Variants in C1orf185 observed in about 807,000 individuals in gnomAD.
C1orf185 encodes uncharacterized protein C1orf185.
In C1orf185, 13 loss-of-function variants were observed where a neutral mutation model predicts 16.1. That is an observed-to-expected ratio of 0.81 (90% CI 0.53 to 1.28). C1orf185 has a LOEUF of 1.28. Ranked by LOEUF, C1orf185 falls within the 50% of genes most tolerant of loss-of-function variation. The probability of loss-of-function intolerance (pLI) is 0.00; values close to 1 mark genes in which losing one functional copy is unlikely to be tolerated. For missense variants in C1orf185, 220 were observed against 225.2 expected (o/e 0.98, Z 0.15); for synonymous variants, 80 against 76.9 (o/e 1.04, Z -0.21).
intron 3 of C1orf185, among the ~76,000 whole-genome samples, chr1:51,124,618 A>C (rs562298847): frequency 1.1e-3 from 166 of 152,322 alleles, no homozygotes; most frequent in African/African-American, 3.8e-3. Flanking sequence ...CCCACATTCA[A>C]TTACATGCAA....
chr1:51,140,371 G>C (rs1431317026), intron 3 of C1orf185, among the ~76,000 whole-genome samples: 1 of 152,110 alleles, frequency 6.6e-6, no homozygotes, highest in African/African-American at 2.4e-5. Flanking sequence ...TCTTTTAGTA[G>C]AGGGAAAATA....
intron 3 of C1orf185, among the ~76,000 whole-genome samples, chr1:51,143,104 G>A (rs916353744): frequency 2.6e-5 from 4 of 151,950 alleles, no homozygotes; most frequent in East Asian, 1.9e-4. Flanking sequence ...TAGATTGATC[G>A]CACAATCAAG....
Position 51,147,504 on chromosome 1 carries a change from A to C in C1orf185, c.333A>C (p.Ala111=). 12 of 1,543,980 alleles carry C rather than the reference A, an allele frequency of 7.8e-6. No individual in the cohort carries two copies. Among genetic ancestry groups the C allele is most frequent in the Non-Finnish European group, 1.0e-5 (12 of 1,144,450 alleles). Residue 111 remains alanine (A), a synonymous_variant, in exon 5 of 5, where the codon GCA becomes GCC. Coordinates refer to ENST00000371759, the MANE Select transcript of C1orf185 (RefSeq NM_001136508.2). The part of the protein sequence containing the change: ...KDHSKDEPQL[A]TKNIICDPSE... Reference sequence around the variant, plus strand: ...ATTCTAAAGATGAACCCCAACTTGCAACAAAAAATATCATTTGTGATCCCT... The same window carrying C: ...ATTCTAAAGATGAACCCCAACTTGCCACAAAAAATATCATTTGTGATCCCT...
At chr1:51,107,029 T>C (rs1042787374) in intron 1 of C1orf185, among the ~76,000 whole-genome samples, 5 of 152,166 alleles carry the variant, frequency 3.3e-5, no homozygotes, top group African/African-American at 1.2e-4. Context: ...AATGCTGGGA[T>C]TACAGGCGTG....
intron 4 of C1orf185, among the ~76,000 whole-genome samples, chr1:51,146,456 CAA>C (rs966563093): frequency 2.3e-4 from 15 of 64,612 alleles, no homozygotes; most frequent in East Asian, 4.3e-4. Flanking sequence ...AAGACTGTCT[CAA>C]AAAAAAAAAA....
At chr1:51,128,127 G>C (rs933739386) in intron 3 of C1orf185, among the ~76,000 whole-genome samples, 1 of 151,816 alleles carries the variant, frequency 6.6e-6, no homozygotes, top group African/African-American at 2.4e-5. Context: ...GACCTCCAGT[G>C]ATCTACCCAC....
chr1:51,118,769 C>G lies in C1orf185; in HGVS notation c.226C>G (p.Arg76Gly). Reference sequence around the variant, plus strand: ...TCATTCTCAGTGTGTTTTTATTTCTCGAAATTTTCATACTGGGAGATTCCA... The same window carrying G: ...TCATTCTCAGTGTGTTTTTATTTCTGGAAATTTTCATACTGGGAGATTCCA... ...KSHSQCVFIS[R>G]NFHTGRFQLQ... The change falls in exon 3 of 5, where the codon CGA becomes GGA. Residue 76 changes from arginine to glycine, a missense_variant. Physicochemically the swap from Arg to Gly is moderately radical, Grantham distance 125. Coordinates refer to ENST00000371759, the MANE Select transcript of C1orf185 (RefSeq NM_001136508.2). 1.4e-6 allele frequency: 2 copies of G among 1,477,170 alleles called. No individual in the cohort carries two copies. The highest frequency in any genetic ancestry group is 2.6e-5 in the East Asian group (1 of 38,704). 91.5% of individuals were successfully genotyped at this position (1,477,170 alleles called of 1,614,324 possible).
intron 3 of C1orf185, among the ~76,000 whole-genome samples, chr1:51,140,837 T>C (rs1570320264): frequency 1.3e-5 from 2 of 152,234 alleles, no homozygotes; most frequent in East Asian, 3.8e-4. Context: ...TGCTCACTTC[T>C]GATATTTATT....
At chr1:51,106,482 T>A (rs900460142) in intron 1 of C1orf185, among the ~76,000 whole-genome samples, 1 of 151,904 alleles carries the variant, frequency 6.6e-6, no homozygotes, top group South Asian at 2.1e-4. Context: ...TCTAAAAAAA[T>A]TAAAAAGATT....
rs1646175234 is a variant in C1orf185 at position 51,118,706 on chromosome 1, A to G, written c.163A>G (p.Arg55Gly). 1.4e-6 allele frequency: 2 copies of G among 1,459,142 alleles called. No individual in the cohort carries two copies. The highest frequency in any genetic ancestry group is 1.5e-5 in the South Asian group (1 of 67,002). The allele number at this position is 1,459,142 out of a possible 1,614,324, so 90.4% of individuals were successfully genotyped here. The change falls in exon 3 of 5, where the codon AGA (arginine) becomes GGA (glycine). Residue 55 changes from arginine (R) to glycine (G), a missense_variant. Physicochemically the swap from Arg to Gly is moderately radical, Grantham distance 125. Transcript: ENST00000371759. ...TTCCAAATTTAAAGCAATTGATGAG[A>G]GATGCAGGCAAAGACCATCAATGGC... ...QNSKFKAIDE[R>G]CRQRPSMAKI...
chr1:51,150,253 G>T (rs1010522327), downstream of C1orf185, among the ~76,000 whole-genome samples: 1 of 150,308 alleles, frequency 6.7e-6, no homozygotes, highest in African/African-American at 2.5e-5. Flanking sequence ...GTGCAATGGT[G>T]TGATCTCAGC....
At chr1:51,143,895 G>T (rs142071160) in intron 3 of C1orf185, among the ~76,000 whole-genome samples, 6 of 152,092 alleles carry the variant, frequency 3.9e-5, no homozygotes, top group Non-Finnish European at 7.4e-5. Flanking sequence ...ACTCCTGGGC[G>T]TGAGCCACTG....
chr1:51,136,544 A>G (rs987759948), intron 3 of C1orf185, among the ~76,000 whole-genome samples: 3 of 152,170 alleles, frequency 2.0e-5, no homozygotes, highest in African/African-American at 7.2e-5. Context: ...TTGTACTGGT[A>G]CAAAAACAGA....
intron 3 of C1orf185, among the ~76,000 whole-genome samples, chr1:51,143,019 C>T (rs987970835): frequency 3.7e-4 from 57 of 152,186 alleles, no homozygotes; most frequent in Non-Finnish European, 2.9e-5. Flanking sequence ...CTGCCTCAGC[C>T]TCCCAAAGTA....
downstream of C1orf185, among the ~76,000 whole-genome samples, chr1:51,150,382 G>A (rs577688952): frequency 7.2e-5 from 11 of 151,994 alleles, no homozygotes; most frequent in African/African-American, 2.2e-4. Context: ...TAGTAGAGAC[G>A]GGGTTTCACC....
At chr1:51,137,336 C>A (rs1322806627) in intron 3 of C1orf185, among the ~76,000 whole-genome samples, 1 of 151,792 alleles carries the variant, frequency 6.6e-6, no homozygotes, top group Non-Finnish European at 1.5e-5. Flanking sequence ...AGTTAGAGAC[C>A]AGTCTGGCCA....
chr1:51,102,575 T>C (rs965903437), intron 1 of C1orf185, among the ~76,000 whole-genome samples: 1 of 152,178 alleles, frequency 6.6e-6, no homozygotes, highest in African/African-American at 2.4e-5. Flanking sequence ...TCATTGAAAG[T>C]ATTTATTTTA....
chr1:51,116,399 C>G (rs1346612792), intron 2 of C1orf185, among the ~76,000 whole-genome samples: 1 of 151,402 alleles, frequency 6.6e-6, no homozygotes, highest in Non-Finnish European at 1.5e-5. Context: ...CTGCAACCTC[C>G]GCCTCCCAGG....
At chr1:51,128,163 A>G (rs1376548216) in intron 3 of C1orf185, among the ~76,000 whole-genome samples, 1 of 152,026 alleles carries the variant, frequency 6.6e-6, no homozygotes, top group Admixed American at 6.6e-5. Context: ...CACTGGGATT[A>G]CAGGCGTGAG....
Sources: allele counts gnomAD v4.1 joint callset (sites outside exome capture counted in the v4.1 genomes callset), GRCh38; gene constraint gnomAD v4.1.1; transcripts MANE v1.5; gene names NCBI Gene and HGNC (gene_info 2026-07-23, HGNC 2026-07-21).